Variants in ACTR3C observed in about 807,000 individuals in gnomAD.
ACTR3C encodes the protein actin related protein 3C.
Under a neutral mutation model 26.3 loss-of-function variants are expected in ACTR3C, and 18 were observed. The ratio of observed to expected loss-of-function variants is 0.68; its 90% CI spans 0.47 to 1.01. ACTR3C has a LOEUF of 1.01. Ranked by LOEUF, ACTR3C falls within the 50% of genes least tolerant of loss-of-function variation. ACTR3C has a pLI of 0.00. For synonymous variants in ACTR3C, 55 were observed against 94.5 expected (o/e 0.58, Z 2.42); for missense variants, 184 against 250.7 (o/e 0.73, Z 1.80).
the ACTR3C span, among the ~76,000 whole-genome samples, chr7:149,922,564 CG>C: frequency 6.6e-6 from 1 of 151,922 alleles, no homozygotes; most frequent in Non-Finnish European, 1.5e-5. Flanking sequence ...CAGAGATGGG[CG>C]GGGATGCCAC....
the ACTR3C span, among the ~76,000 whole-genome samples, chr7:150,089,070 T>C: frequency 1.3e-5 from 2 of 152,212 alleles, no homozygotes; most frequent in East Asian, 3.9e-4. Flanking sequence ...AATTGATCTC[T>C]CTTGTCTTGG....
At chr7:149,977,011 A>G in the ACTR3C span, among the ~76,000 whole-genome samples, 1 of 151,434 alleles carries the variant, frequency 6.6e-6, no homozygotes, top group Non-Finnish European at 1.5e-5. Flanking sequence ...TAACTGCAAA[A>G]TGCATTTTAA....
At chr7:150,064,904 G>A in the ACTR3C span, among the ~76,000 whole-genome samples, 220 of 152,332 alleles carry the variant, frequency 1.4e-3, no homozygotes, top group Non-Finnish European at 2.5e-3. Context: ...GCATTACTAT[G>A]CCCTTGATCT....
At chr7:150,104,586 T>C in the ACTR3C span, among the ~76,000 whole-genome samples, 1 of 151,440 alleles carries the variant, frequency 6.6e-6, no homozygotes, top group Non-Finnish European at 1.5e-5. Context: ...GTCAGTGCCA[T>C]CTGTTAACTC....
intron 1 of ACTR3C, among the ~76,000 whole-genome samples, chr7:150,296,186 A>C (rs1250072325): frequency 6.9e-6 from 1 of 144,218 alleles, no homozygotes; most frequent in East Asian, 2.0e-4. Flanking sequence ...CCCCACCTCT[A>C]TGAAAAAATT....
Position 150,284,741 on chromosome 7 carries a change from T to G in ACTR3C, c.564+12A>C, listed in dbSNP as rs4725334. On this transcript the variant is annotated intron_variant, in intron 6 of 7. Coordinates refer to ENST00000683684, the MANE Select transcript of ACTR3C (RefSeq NM_001164458.2). ...GAATGAAATCAAAGTACCTTACCCATGCAGCTCATACCTTATACAGCGGAC... is the reference window on the plus strand; with the variant it reads ...GAATGAAATCAAAGTACCTTACCCAGGCAGCTCATACCTTATACAGCGGAC... The G allele has an allele frequency of 0.84, 1,324,549 of 1,586,216 alleles. 555,768 individuals are homozygous for G. Among genetic ancestry groups the G allele is most frequent in the East Asian group, 0.99 (44,003 of 44,334 alleles).
chr7:150,213,864 C>T, the ACTR3C span, among the ~76,000 whole-genome samples: 1 of 140,954 alleles, frequency 7.1e-6, no homozygotes, highest in Non-Finnish European at 1.5e-5. Flanking sequence ...AGAGAAAGAA[C>T]TGACAGAAAA....
the ACTR3C span, among the ~76,000 whole-genome samples, chr7:150,191,686 T>C: frequency 2.6e-5 from 4 of 152,284 alleles, no homozygotes; most frequent in African/African-American, 9.6e-5. Context: ...ATGTTCAAAT[T>C]TTGAGGCCTT....
At chr7:149,993,167 C>T in the ACTR3C span, among the ~76,000 whole-genome samples, 1 of 147,794 alleles carries the variant, frequency 6.8e-6, no homozygotes, top group Non-Finnish European at 1.5e-5. Context: ...CTCTCCCAGT[C>T]CACTGACTCA....
At chr7:150,249,342 G>A (rs1832669855) in intron 6 of ACTR3C, among the ~76,000 whole-genome samples, 1 of 152,168 alleles carries the variant, frequency 6.6e-6, no homozygotes, top group South Asian at 2.1e-4. Flanking sequence ...GAATGAAAGG[G>A]AAATAAAGAG....
chr7:150,086,228 C>T, the ACTR3C span, among the ~76,000 whole-genome samples: 1 of 152,166 alleles, frequency 6.6e-6, no homozygotes, highest in Non-Finnish European at 1.5e-5. Flanking sequence ...AAGTGATCCA[C>T]CTGCCTCAGC....
chr7:149,987,413 A>G, the ACTR3C span, among the ~76,000 whole-genome samples: 3 of 145,508 alleles, frequency 2.1e-5, no homozygotes, highest in Admixed American at 1.4e-4. Context: ...TAAAAATACA[A>G]AAATTAGCTG....
the ACTR3C span, among the ~76,000 whole-genome samples, chr7:150,105,993 A>G: frequency 6.6e-6 from 1 of 152,088 alleles, no homozygotes; most frequent in Non-Finnish European, 1.5e-5. Flanking sequence ...TTTCTCATGA[A>G]ATTAAAATTT....
the ACTR3C span, among the ~76,000 whole-genome samples, chr7:150,061,389 T>A: frequency 2.0e-5 from 3 of 152,032 alleles, no homozygotes; most frequent in Non-Finnish European, 2.9e-5. Context: ...TTGTTTTCAA[T>A]CAGAGTTTCA....
chr7:150,108,970 G>A, the ACTR3C span, among the ~76,000 whole-genome samples: 2 of 151,862 alleles, frequency 1.3e-5, no homozygotes, highest in Non-Finnish European at 2.9e-5. Context: ...ATCCCCCACA[G>A]ACCGCTGTCT....
At chr7:149,976,271 C>T in the ACTR3C span, among the ~76,000 whole-genome samples, 7 of 151,986 alleles carry the variant, frequency 4.6e-5, no homozygotes, top group Admixed American at 3.9e-4. Flanking sequence ...TAAGGAAGAC[C>T]CCTTTGAAAA....
chr7:150,320,457 T>C (rs913631806), intron 1 of ACTR3C, among the ~76,000 whole-genome samples: 3 of 152,192 alleles, frequency 2.0e-5, no homozygotes, highest in African/African-American at 7.2e-5. Flanking sequence ...AAAATATAGT[T>C]TAAATTAAGA....
the ACTR3C span, among the ~76,000 whole-genome samples, chr7:150,172,337 C>T: frequency 6.6e-6 from 1 of 150,544 alleles, no homozygotes; most frequent in Non-Finnish European, 1.5e-5. Flanking sequence ...AAAGGCACTT[C>T]TTACGTGATG....
the ACTR3C span, among the ~76,000 whole-genome samples, chr7:150,193,991 GAC>G: frequency 0.079 from 10,347 of 131,612 alleles, 790 homozygotes; most frequent in African/African-American, 0.21. Context: ...TACACACACA[GAC>G]ACACACACAC....
Sources: gnomAD v4.1 joint callset for allele counts (sites outside exome capture counted in the v4.1 genomes callset) on GRCh38, gnomAD v4.1.1 for gene constraint, MANE v1.5 for transcripts, NCBI Gene and HGNC (gene_info 2026-07-23, HGNC 2026-07-21) for gene names.